Variants in STRADB observed in about 807,000 individuals in gnomAD.
STRADB encodes the protein STE20 related adaptor beta.
STRADB carries 34 observed loss-of-function variants against 52.1 expected under a neutral mutation model. The observed-to-expected ratio is 0.65, with a 90% CI of 0.50 to 0.87. STRADB has a LOEUF of 0.87. STRADB is among the 40% of genes least tolerant of loss of function. The pLI is 0.00. For synonymous variants in STRADB, 133 were observed against 174.5 expected (o/e 0.76, Z 1.87); for missense variants, 340 against 483.9 (o/e 0.70, Z 2.79).
intron 7 of STRADB, among the ~76,000 whole-genome samples, chr2:201,477,052 GTTTTTTTTTTTT>G (rs1221462406): frequency 1.8e-5 from 1 of 57,040 alleles, no homozygotes; most frequent in Non-Finnish European, 3.0e-5. Context: ...AATATTATCA[GTTTTTTTTTTTT>G]TTTTTTTTTT....
At chr2:201,472,316 G>A (rs1952402688) in intron 4 of STRADB, among the ~76,000 whole-genome samples, 1 of 152,158 alleles carries the variant, frequency 6.6e-6, no homozygotes, top group Non-Finnish European at 1.5e-5. Flanking sequence ...AATGTTTTTG[G>A]CAGCTTTATA....
At position 201,458,809 on chromosome 2, in the gene STRADB, A is replaced by C; in HGVS notation, c.38A>C (p.Gln13Pro). The C allele has an allele frequency of 6.2e-7, 1 of 1,613,986 alleles. No homozygotes were observed. Residue 13 changes from glutamine to proline, a missense_variant, in exon 3 of 12, where the codon CAA becomes CCA. Coordinates refer to ENST00000194530, the MANE Select transcript of STRADB (RefSeq NM_018571.6). ...GATTGCTTCTGCACTTCAAGAACAC[A>C]AGTTGAATCACTCAGACCTGAAAAA... ...LLDCFCTSRT[Q>P]VESLRPEKQS...
chr2:201,468,826 G>A (rs1396695095), intron 3 of STRADB, among the ~76,000 whole-genome samples: 1 of 152,100 alleles, frequency 6.6e-6, no homozygotes, highest in Non-Finnish European at 1.5e-5. Context: ...TCTCTTTTAT[G>A]TGGTCATTAA....
intron 10 of STRADB, 76 bp downstream of exon 10, chr2:201,478,677 C>G (rs1054905019): frequency 6.8e-7 from 1 of 1,472,162 alleles, no homozygotes; most frequent in Non-Finnish European, 9.2e-7. Flanking sequence ...CATTGCCCTT[C>G]CAGGAGAATA....
At chr2:201,462,306 A>C (rs1038330361) in intron 3 of STRADB, among the ~76,000 whole-genome samples, 1 of 152,036 alleles carries the variant, frequency 6.6e-6, no homozygotes, top group Non-Finnish European at 1.5e-5. Context: ...TTATAGGTGA[A>C]GTGTGGTTCT....
chr2:201,476,741 G>A (rs1478364801), intron 7 of STRADB, among the ~76,000 whole-genome samples: 1 of 151,210 alleles, frequency 6.6e-6, no homozygotes, highest in Non-Finnish European at 1.5e-5. Flanking sequence ...TTGAGAGGCC[G>A]AGGCGTGCAG....
At chr2:201,471,329 A>G (rs760132816) in intron 4 of STRADB, among the ~76,000 whole-genome samples, 1 of 152,276 alleles carries the variant, frequency 6.6e-6, no homozygotes, top group Non-Finnish European at 1.5e-5. Context: ...CTGGAAAGGC[A>G]GGTTTGGAAC....
chr2:201,467,633 T>C (rs886839999), intron 3 of STRADB, among the ~76,000 whole-genome samples: 6 of 152,260 alleles, frequency 3.9e-5, no homozygotes. Flanking sequence ...CTATATATAT[T>C]CTTAATATTT....
chr2:201,452,131 C>G (rs1353141953), intron 1 of STRADB, among the ~76,000 whole-genome samples, 193 bp downstream of exon 1: 1 of 151,964 alleles, frequency 6.6e-6, no homozygotes, highest in Non-Finnish European at 1.5e-5. Context: ...AGCCACTGCG[C>G]CAGTGCAGCT....
chr2:201,463,479 A>C (rs1952249762), intron 3 of STRADB, among the ~76,000 whole-genome samples: 1 of 151,948 alleles, frequency 6.6e-6, no homozygotes, highest in South Asian at 2.1e-4. Flanking sequence ...TTCTTTTAGT[A>C]TCCTTTCTTT....
chr2:201,458,182 G>A (rs1952156300), intron 2 of STRADB, among the ~76,000 whole-genome samples: 1 of 152,140 alleles, frequency 6.6e-6, no homozygotes, highest in Admixed American at 6.5e-5. Context: ...TCACATGTAG[G>A]TGTTACATTT....
At chr2:201,464,986 A>C (rs1952276547) in intron 3 of STRADB, among the ~76,000 whole-genome samples, 1 of 152,140 alleles carries the variant, frequency 6.6e-6, no homozygotes, top group Non-Finnish European at 1.5e-5. Flanking sequence ...TTCTCCCTTC[A>C]GGGCAGTGGG....
intron 4 of STRADB, 71 bp from the exon 5 acceptor site, chr2:201,472,884 T>G: frequency 6.8e-7 from 1 of 1,478,406 alleles, no homozygotes; most frequent in African/African-American, 1.4e-5. Flanking sequence ...ACTTTTCAAT[T>G]TTGATGATGT....
chr2:201,460,746 T>C, intron 3 of STRADB: 1 of 318,626 alleles, frequency 3.1e-6, no homozygotes, highest in Non-Finnish European at 6.7e-6. Context: ...GTACCACATT[T>C]TCTTTATCCA....
intron 6 of STRADB, 150 bp from the exon 7 acceptor site, chr2:201,475,469 A>G: frequency 1.2e-6 from 1 of 842,286 alleles, no homozygotes; most frequent in Non-Finnish European, 1.9e-6. Context: ...TCTTGAAAGA[A>G]AATCATGTTT....
chr2:201,480,634 A>ATGTT lies in STRADB; in HGVS notation c.*463_*466dup. On this transcript the variant is annotated 3_prime_UTR_variant, in exon 12 of 12. Transcript: ENST00000194530. Reference sequence around the variant, plus strand: ...CAGACCCTTTTCTGGTAGAGGGAAAATGTTTGTGCTTTCCCTTTTTCTTCT... The same window carrying ATGTT: ...CAGACCCTTTTCTGGTAGAGGGAAAATGTTTGTTTGTGCTTTCCCTTTTTCTTCT... 2.0e-6 allele frequency: 2 copies of ATGTT among 988,740 alleles called. No homozygotes were observed. The highest frequency in any genetic ancestry group is 2.4e-6 in the Non-Finnish European group (2 of 831,732). The allele number at this position is 988,740 out of a possible 1,614,324, so 61.2% of individuals were successfully genotyped here.
chr2:201,474,563 G>T, intron 5 of STRADB, 84 bp from the exon 6 acceptor site: 2 of 1,127,338 alleles, frequency 1.8e-6, no homozygotes, highest in Non-Finnish European at 2.6e-6. Flanking sequence ...GCACCCTTGA[G>T]TATTAGCTGC....
chr2:201,453,782 C>T (rs1412874539), intron 1 of STRADB, among the ~76,000 whole-genome samples: 1 of 152,134 alleles, frequency 6.6e-6, no homozygotes, highest in Non-Finnish European at 1.5e-5. Context: ...GTTGGCAGGG[C>T]AGGCATTGCT....
intron 3 of STRADB, among the ~76,000 whole-genome samples, chr2:201,459,862 C>G (rs1952186540): frequency 7.8e-6 from 1 of 128,618 alleles, no homozygotes; most frequent in Non-Finnish European, 1.8e-5. Context: ...ACTCTTCTTT[C>G]TTTTCTGCCT....
Sources: allele counts gnomAD v4.1 joint callset (sites outside exome capture counted in the v4.1 genomes callset), GRCh38; gene constraint gnomAD v4.1.1; transcripts MANE v1.5; gene names NCBI Gene and HGNC (gene_info 2026-07-23, HGNC 2026-07-21).